PARVB: variants seen among roughly 807,000 people sequenced by gnomAD.
The protein encoded by PARVB is beta-parvin.
A neutral mutation model predicts 47.0 loss-of-function variants in PARVB; 46 were observed. That is an observed-to-expected ratio of 0.98 (90% confidence interval 0.77 to 1.25). The LOEUF (loss-of-function observed/expected upper bound fraction) is 1.25. Among genes scored for constraint, PARVB ranks in the 50% most tolerant of loss-of-function variants. The pLI is 0.00. For missense variants in PARVB, 473 were observed against 471.6 expected (o/e 1.00, Z -0.03); for synonymous variants, 196 against 196.3 (o/e 1.00, Z 0.01).
At chr22:44,128,474 G>A (rs1488043992) in intron 4 of PARVB, among the ~76,000 whole-genome samples, 3 of 152,240 alleles carry the variant, frequency 2.0e-5, no homozygotes, top group Non-Finnish European at 4.4e-5. Context: ...GATGATGCAA[G>A]TGATCATGTG....
chr22:44,037,273 A>C (rs1051650503), intron 1 of PARVB, among the ~76,000 whole-genome samples: 2 of 151,958 alleles, frequency 1.3e-5, no homozygotes, highest in Non-Finnish European at 2.9e-5. Flanking sequence ...AAATACAAAA[A>C]TTAGCCAGGC....
intron 10 of PARVB, chr22:44,151,935 A>G (rs2053819802): frequency 4.7e-6 from 1 of 210,764 alleles, no homozygotes; most frequent in Non-Finnish European, 9.8e-6. Flanking sequence ...TTGTACACAC[A>G]TCACTCCCTT....
At chr22:44,134,104 G>A (rs556384189) in intron 6 of PARVB, among the ~76,000 whole-genome samples, 9 of 152,176 alleles carry the variant, frequency 5.9e-5, no homozygotes, top group Admixed American at 3.9e-4. Context: ...TCTCAGTCCC[G>A]TGGTCTCTGT....
chr22:44,019,795 C>A (rs1218857380), upstream of PARVB, among the ~76,000 whole-genome samples: 1 of 152,174 alleles, frequency 6.6e-6, no homozygotes, highest in African/African-American at 2.4e-5. Context: ...GACCCACACA[C>A]CCCCCATCAG....
chr22:44,069,234 T>C, intron 1 of PARVB: 1 of 1,375,370 alleles, frequency 7.3e-7, no homozygotes, highest in Non-Finnish European at 1.0e-6. Context: ...TCTTTTCTGC[T>C]TTATGGCAGA....
chr22:44,118,934 G>T (rs547290414), intron 3 of PARVB, 104 bp from the exon 4 acceptor site: 1 of 791,196 alleles, frequency 1.3e-6, no homozygotes, highest in East Asian at 2.5e-5. Context: ...GGTCCCGGTG[G>T]TGGCTGCAGA....
chr22:44,051,017 T>TA (rs1476756831), intron 1 of PARVB, among the ~76,000 whole-genome samples: 1 of 152,140 alleles, frequency 6.6e-6, no homozygotes, highest in Non-Finnish European at 1.5e-5. Context: ...TAGCTCCTGT[T>TA]GTCTCATCTC....
intron 1 of PARVB, among the ~76,000 whole-genome samples, chr22:44,055,566 C>T (rs1260891551): frequency 6.6e-6 from 1 of 152,078 alleles, no homozygotes; most frequent in Non-Finnish European, 1.5e-5. Context: ...ATCTCCTGAC[C>T]TCGTGATCCG....
intron 2 of PARVB, among the ~76,000 whole-genome samples, chr22:44,008,802 G>A (rs1476798773): frequency 2.6e-5 from 4 of 151,880 alleles, no homozygotes; most frequent in Admixed American, 6.6e-5. Context: ...TGGCTAACAC[G>A]AGGAAACCCC....
intron 1 of PARVB, among the ~76,000 whole-genome samples, chr22:44,030,846 C>A (rs973218200): frequency 2.6e-5 from 4 of 152,096 alleles, no homozygotes; most frequent in Non-Finnish European, 5.9e-5. Flanking sequence ...CACGTGACCC[C>A]TCTGATAGCG....
chr22:44,158,136 T>C (rs923235100), intron 11 of PARVB, 53 bp downstream of exon 11: 39 of 1,228,770 alleles, frequency 3.2e-5, no homozygotes, highest in Non-Finnish European at 4.0e-5. Flanking sequence ...CTCATTGAAA[T>C]GCAGAGCATA....
intron 1 of PARVB, among the ~76,000 whole-genome samples, chr22:44,048,697 G>A (rs1297848440): frequency 6.6e-6 from 1 of 152,198 alleles, no homozygotes; most frequent in Non-Finnish European, 1.5e-5. Context: ...AAGTAGCTGG[G>A]ATGACAGGAG....
chr22:44,130,257 T>C (rs2053280376), intron 4 of PARVB, among the ~76,000 whole-genome samples: 1 of 152,226 alleles, frequency 6.6e-6, no homozygotes, highest in South Asian at 2.1e-4. Flanking sequence ...CTCACGATGC[T>C]CTGTGACGTC....
intron 1 of PARVB, among the ~76,000 whole-genome samples, chr22:44,035,182 A>G (rs1173570989): frequency 6.6e-6 from 1 of 152,218 alleles, no homozygotes; most frequent in East Asian, 1.9e-4. Flanking sequence ...TAGGAAAATC[A>G]TAAGGAAGAG....
intron 1 of PARVB, chr22:44,031,481 G>T (rs1455964297): frequency 6.6e-6 from 1 of 151,952 alleles, no homozygotes; most frequent in Non-Finnish European, 1.5e-5. Flanking sequence ...ACTAAGAGCT[G>T]TCGGAAACTC....
At chr22:44,097,046 G>T (rs1411652589) in intron 2 of PARVB, among the ~76,000 whole-genome samples, 1 of 152,020 alleles carries the variant, frequency 6.6e-6, no homozygotes, top group Non-Finnish European at 1.5e-5. Flanking sequence ...TCCTCGAGGG[G>T]TCCTGCCTCA....
chr22:44,019,443 C>T (rs2050621152), upstream of PARVB, among the ~76,000 whole-genome samples: 1 of 152,110 alleles, frequency 6.6e-6, no homozygotes, highest in South Asian at 2.1e-4. Context: ...TAGCCTCAAA[C>T]TGCTGACATC....
chr22:44,115,228 C>T (rs1282090529), intron 3 of PARVB: 1 of 75,534 alleles, frequency 1.3e-5, no homozygotes, highest in Admixed American at 1.2e-4. Flanking sequence ...TACATTGTTA[C>T]TAACTAAGGC....
intron 3 of PARVB, chr22:44,108,627 A>G (rs1024511338): frequency 2.6e-5 from 4 of 152,112 alleles, no homozygotes; most frequent in African/African-American, 9.7e-5. Flanking sequence ...AAGGTAATGG[A>G]AAATTACAGT....
Sources: allele counts gnomAD v4.1 joint callset (sites outside exome capture counted in the v4.1 genomes callset), GRCh38; gene constraint gnomAD v4.1.1; transcripts MANE v1.5; gene names NCBI Gene and HGNC (gene_info 2026-07-23, HGNC 2026-07-21).